Variants in ATP8A2 observed in about 807,000 individuals in gnomAD.
ATP8A2 encodes ATPase phospholipid transporting 8A2.
ATP8A2 carries 100 observed loss-of-function variants against 165.6 expected under a neutral mutation model. The observed-to-expected ratio is 0.60, with a 90% CI of 0.51 to 0.71. The LOEUF is 0.71. Among genes scored for constraint, ATP8A2 ranks in the 30% least tolerant of loss-of-function variants. ATP8A2 has a pLI of 0.00. For missense variants in ATP8A2, 1,227 were observed against 1,479.5 expected (o/e 0.83, Z 2.80); for synonymous variants, 543 against 548.8 (o/e 0.99, Z 0.15).
intron 35 of ATP8A2, among the ~76,000 whole-genome samples, chr13:25,982,494 A>G (rs1252631902): frequency 6.6e-6 from 1 of 152,234 alleles, no homozygotes; most frequent in Non-Finnish European, 1.5e-5. Context: ...GATATTCTGT[A>G]CACTGGAGCA....
chr13:25,442,608 A>G (rs1392069337), intron 1 of ATP8A2, among the ~76,000 whole-genome samples: 1 of 152,050 alleles, frequency 6.6e-6, no homozygotes, highest in Non-Finnish European at 1.5e-5. Context: ...TAGAGATAGG[A>G]GGAGTCTTGC....
At chr13:25,503,336 A>AT (rs1265435716) in intron 2 of ATP8A2, among the ~76,000 whole-genome samples, 18 of 152,156 alleles carry the variant, frequency 1.2e-4, no homozygotes, top group African/African-American at 4.3e-4. Context: ...GCCGAATGAA[A>AT]AGGGAAGTAA....
intron 23 of ATP8A2, among the ~76,000 whole-genome samples, chr13:25,583,089 G>A (rs1413770027): frequency 2.6e-5 from 4 of 152,186 alleles, no homozygotes; most frequent in Non-Finnish European, 5.9e-5. Context: ...TGGTATTTTA[G>A]TGCAGAATCA....
intron 1 of ATP8A2, among the ~76,000 whole-genome samples, chr13:25,443,140 C>T (rs1924772): frequency 0.41 from 62,660 of 151,964 alleles, 13,984 homozygotes; most frequent in East Asian, 0.59. Flanking sequence ...CTGTTTTTTA[C>T]GGTTTAATTT....
At chr13:26,012,702 C>T in intron 36 of ATP8A2, 80 bp downstream of exon 36, 2 of 267,496 alleles carry the variant, frequency 7.5e-6, no homozygotes, top group Non-Finnish European at 1.0e-5. Context: ...GGGGAGCGGG[C>T]GCTGATGGGG....
chr13:25,372,127 G>T lies in ATP8A2; in HGVS notation c.-86G>T. The T allele has an allele frequency of 1.0e-6, 1 of 967,088 alleles. No homozygotes were observed. 59.9% of individuals were successfully genotyped at this position (967,088 alleles called of 1,614,324 possible). A position where few individuals can be genotyped will look rare whatever the true frequency, so the allele number is the denominator to read the frequency against. Reference sequence around the variant, plus strand: ...CCCGGCGAGGCGCTGGCCCACCCATGGTCCTCGGGCGGCGGCCCCTGCGCC... The same window carrying T: ...CCCGGCGAGGCGCTGGCCCACCCATTGTCCTCGGGCGGCGGCCCCTGCGCC... On this transcript the variant is annotated 5_prime_UTR_variant, in exon 1 of 37. An upstream start codon of the reference 5' UTR is lost. Transcript: ENST00000381655. The surrounding 1 kb of genome is among the most constrained non-coding windows in gnomAD (Gnocchi z 4.8).
At chr13:25,813,197 T>A (rs1053546798) in intron 27 of ATP8A2, among the ~76,000 whole-genome samples, 1 of 151,986 alleles carries the variant, frequency 6.6e-6, no homozygotes, top group African/African-American at 2.4e-5. Context: ...ATCCTGCGCA[T>A]GTACCCCAGA....
At chr13:25,965,018 G>A (rs1955747855) in intron 34 of ATP8A2, among the ~76,000 whole-genome samples, 1 of 152,174 alleles carries the variant, frequency 6.6e-6, no homozygotes, top group Non-Finnish European at 1.5e-5. Context: ...AATTAGTTGG[G>A]CATGATGGCG....
intron 13 of ATP8A2, among the ~76,000 whole-genome samples, chr13:25,555,771 T>C (rs1242874539): frequency 4.6e-5 from 7 of 152,086 alleles, no homozygotes; most frequent in Non-Finnish European, 7.3e-5. Context: ...TTCAACGCTT[T>C]TCCCCAACCC....
chr13:25,863,826 C>T (rs1334204300), intron 33 of ATP8A2, among the ~76,000 whole-genome samples: 1 of 152,194 alleles, frequency 6.6e-6, no homozygotes, highest in Admixed American at 6.5e-5. Context: ...TGCATGTCCT[C>T]TAGTGCATCT....
At chr13:25,688,394 G>T (rs2042650472) in intron 24 of ATP8A2, among the ~76,000 whole-genome samples, 1 of 125,886 alleles carries the variant, frequency 7.9e-6, no homozygotes, top group Non-Finnish European at 1.8e-5. Flanking sequence ...CTTTCGGCCA[G>T]GTGTGTGTGT....
At chr13:25,711,212 C>T (rs928199125) in intron 25 of ATP8A2, among the ~76,000 whole-genome samples, 1 of 152,074 alleles carries the variant, frequency 6.6e-6, no homozygotes, top group African/African-American at 2.4e-5. Context: ...ACTATGTTGA[C>T]GAGGCTGGTC....
intron 35 of ATP8A2, among the ~76,000 whole-genome samples, chr13:26,005,550 C>T (rs952977823): frequency 1.3e-5 from 2 of 151,874 alleles, no homozygotes; most frequent in Non-Finnish European, 2.9e-5. Context: ...TATTTCTTCT[C>T]TTTTGATATA....
At chr13:25,441,042 C>G (rs778724417) in intron 1 of ATP8A2, among the ~76,000 whole-genome samples, 30 of 152,142 alleles carry the variant, frequency 2.0e-4, no homozygotes, top group Non-Finnish European at 3.4e-4. Context: ...CAGGAGTCAT[C>G]AAAAGGAAAA....
At chr13:25,895,724 CT>C (rs1476871913) in intron 33 of ATP8A2, among the ~76,000 whole-genome samples, 1 of 152,176 alleles carries the variant, frequency 6.6e-6, no homozygotes, top group Non-Finnish European at 1.5e-5. Flanking sequence ...TGTTATTGGT[CT>C]ATTCAGAGAT....
At chr13:25,668,670 A>G (rs867198019) in intron 24 of ATP8A2, among the ~76,000 whole-genome samples, 2 of 152,054 alleles carry the variant, frequency 1.3e-5, no homozygotes, top group African/African-American at 4.8e-5. Context: ...ATGTGTTGGT[A>G]TGCTTGATAG....
intron 1 of ATP8A2, among the ~76,000 whole-genome samples, chr13:25,433,664 C>A (rs566721691): frequency 6.6e-6 from 1 of 152,298 alleles, no homozygotes; most frequent in Non-Finnish European, 1.5e-5. Context: ...TAGTTCCACA[C>A]ACAACTATCC....
At chr13:25,539,019 G>A (rs2137974088) in intron 7 of ATP8A2, among the ~76,000 whole-genome samples, 1 of 151,470 alleles carries the variant, frequency 6.6e-6, no homozygotes, top group Middle Eastern at 3.4e-3. Flanking sequence ...GATAGTTCGG[G>A]CTTTAAGTCT....
At chr13:25,706,878 T>A (rs963325405) in intron 25 of ATP8A2, among the ~76,000 whole-genome samples, 12 of 152,202 alleles carry the variant, frequency 7.9e-5, no homozygotes, top group Non-Finnish European at 1.6e-4. Context: ...TAGGTTTTTT[T>A]AAATTTAACT....
Sources: gnomAD v4.1 joint callset for allele counts (sites outside exome capture counted in the v4.1 genomes callset) on GRCh38, gnomAD v4.1.1 for gene constraint, Gnocchi (gnomAD v3.1) non-coding constraint, MANE v1.5 for transcripts, NCBI Gene and HGNC (gene_info 2026-07-23, HGNC 2026-07-21) for gene names.